The following SGPL1 variants were observed in gnomAD, a reference collection of about 807,000 sequenced individuals.
SGPL1 encodes the protein SP-lyase 1.
In SGPL1, 37 loss-of-function variants were observed where a neutral mutation model predicts 68.9. That is an observed-to-expected ratio of 0.54 (90% confidence interval 0.41 to 0.71). The LOEUF is 0.71. Ranked by LOEUF, SGPL1 falls within the 30% of genes least tolerant of loss-of-function variation. The probability of loss-of-function intolerance (pLI) is 0.00; values close to 1 mark genes in which losing one functional copy is unlikely to be tolerated. For missense variants in SGPL1, 551 were observed against 704.6 expected (o/e 0.78, Z 2.47); for synonymous variants, 236 against 248.5 (o/e 0.95, Z 0.47).
At chr10:70,854,375 A>G (rs1427047117) in intron 4 of SGPL1, among the ~76,000 whole-genome samples, 1 of 152,000 alleles carries the variant, frequency 6.6e-6, no homozygotes, top group Non-Finnish European at 1.5e-5. Flanking sequence ...GGGTTTCACC[A>G]TGTTGGCCAG....
chr10:70,844,749 G>A, intron 3 of SGPL1, 111 bp downstream of exon 3: 1 of 1,084,798 alleles, frequency 9.2e-7, no homozygotes, highest in Non-Finnish European at 1.3e-6. Flanking sequence ...TTGTTTGTTT[G>A]TTTGTTTTTG....
At chr10:70,857,255 G>GA (rs1340712411) in intron 5 of SGPL1, 1 of 223,642 alleles carries the variant, frequency 4.5e-6, no homozygotes, top group Non-Finnish European at 8.9e-6. Flanking sequence ...AGCTATTGCA[G>GA]AAAAAGGCCA....
intron 7 of SGPL1, among the ~76,000 whole-genome samples, chr10:70,867,223 A>G (rs547936726): frequency 2.6e-4 from 40 of 152,270 alleles, no homozygotes; most frequent in African/African-American, 7.9e-4. Flanking sequence ...GGTGGCTATG[A>G]CATGCCTGTG....
intron 12 of SGPL1, among the ~76,000 whole-genome samples, chr10:70,875,051 A>G (rs945158361): frequency 2.0e-4 from 31 of 152,240 alleles, no homozygotes; most frequent in African/African-American, 7.2e-4. Context: ...AGATGGGCAG[A>G]TTACTTTTCC....
At chr10:70,854,670 C>G (rs371572028) in intron 4 of SGPL1, 38 bp from the exon 5 acceptor site, 113 of 1,584,754 alleles carry the variant, frequency 7.1e-5, no homozygotes, top group Admixed American at 2.4e-4. Flanking sequence ...CTACTGTACT[C>G]TTGCATCTGG....
At chr10:70,868,968 C>G (rs1264708538) in intron 8 of SGPL1, among the ~76,000 whole-genome samples, 1 of 152,264 alleles carries the variant, frequency 6.6e-6, no homozygotes, top group East Asian at 1.9e-4. Context: ...TTATTTTTTC[C>G]TAGACTGTCC....
Position 70,879,397 on chromosome 10 carries a change from G to C in SGPL1, c.*2062G>C, listed in dbSNP as rs1478535588. The stretch of plus-strand genomic sequence containing the variant: ...GGCATTTATGTGTGTGTGTGTGTGT[G>C]TGTGTGTTTTTCCTGTTTGCCCAGC... On this transcript the variant is annotated 3_prime_UTR_variant, in exon 15 of 15. Coordinates refer to ENST00000373202, the MANE Select transcript of SGPL1 (RefSeq NM_003901.4). 7 of 153,554 alleles carry C rather than the reference G, an allele frequency of 4.6e-5. No individual in the cohort carries two copies. Among genetic ancestry groups the C allele is most frequent in the African/African-American group, 1.7e-4 (7 of 41,468 alleles). 9.5% of individuals were successfully genotyped at this position (153,554 alleles called of 1,614,324 possible). A position where few individuals can be genotyped will look rare whatever the true frequency, so the allele number is the denominator to read the frequency against.
chr10:70,861,964 C>T (rs866889993), intron 7 of SGPL1, among the ~76,000 whole-genome samples: 2 of 152,234 alleles, frequency 1.3e-5, no homozygotes, highest in African/African-American at 4.8e-5. Flanking sequence ...GCCTCCTTGA[C>T]GAGCGCCACT....
At chr10:70,834,273 C>T (rs1845590441) in intron 2 of SGPL1, among the ~76,000 whole-genome samples, 1 of 152,122 alleles carries the variant, frequency 6.6e-6, no homozygotes, top group South Asian at 2.1e-4. Flanking sequence ...ATGATTCGTT[C>T]CAGGAATCAT....
chr10:70,863,133 T>G (rs547937479), intron 7 of SGPL1, among the ~76,000 whole-genome samples: 66 of 152,084 alleles, frequency 4.3e-4, no homozygotes, highest in African/African-American at 1.6e-3. Flanking sequence ...ACTACAGGCA[T>G]GCACCACCAT....
chr10:70,841,763 A>C (rs753424276), intron 2 of SGPL1, among the ~76,000 whole-genome samples: 6 of 152,180 alleles, frequency 3.9e-5, no homozygotes, highest in Non-Finnish European at 7.3e-5. Context: ...CTAAGCTTTC[A>C]TGTTCCTACT....
chr10:70,879,243 T>C lies in SGPL1; in HGVS notation c.*1908T>C, dbSNP rs549123943. On this transcript the variant is annotated 3_prime_UTR_variant, in exon 15 of 15. Transcript: ENST00000373202. ...TTCTAGTTTCCCCCACTGGGAATGC[T>C]GGCTGGGAGAGCCATGACTACCAGA... 1 of 152,922 alleles carries C rather than the reference T, an allele frequency of 6.5e-6. No individual in the cohort carries two copies. Among genetic ancestry groups the C allele is most frequent in the South Asian group, 2.1e-4 (1 of 4,834 alleles). 9.5% of individuals were successfully genotyped at this position (152,922 alleles called of 1,614,324 possible).
At chr10:70,846,414 CCTT>C (rs1459781870) in intron 3 of SGPL1, among the ~76,000 whole-genome samples, 2 of 151,968 alleles carry the variant, frequency 1.3e-5, no homozygotes, top group African/African-American at 2.4e-5. Context: ...CTCTGCTTAT[CCTT>C]CTATTATAAT....
chr10:70,830,116 TAAAAG>T (rs1845508035), intron 2 of SGPL1, among the ~76,000 whole-genome samples: 1 of 152,182 alleles, frequency 6.6e-6, no homozygotes, highest in Non-Finnish European at 1.5e-5. Flanking sequence ...ATTTTTTTAT[TAAAAG>T]AAAGCCTGTG....
chr10:70,868,286 C>A, intron 7 of SGPL1, 59 bp from the exon 8 acceptor site: 1 of 1,167,508 alleles, frequency 8.6e-7, no homozygotes, highest in Non-Finnish European at 1.2e-6. Context: ...AAGATCAGGG[C>A]ATGAAGAGCC....
chr10:70,863,500 T>G (rs1440101209), intron 7 of SGPL1, among the ~76,000 whole-genome samples: 2 of 152,114 alleles, frequency 1.3e-5, no homozygotes, highest in Non-Finnish European at 2.9e-5. Context: ...TTTATTTATT[T>G]TTTTATGAGC....
rs184260675 is a variant in SGPL1, at chr10:70,871,965, C to T, written c.1038C>T (p.Ser346=). Residue 346 remains serine (S), a synonymous_variant, in exon 11 of 15, where the codon AGC becomes AGT. Coordinates refer to ENST00000373202, the MANE Select transcript of SGPL1 (RefSeq NM_003901.4). ...ATTTCCGGGTGAAAGGTGTAACCAG[C>T]ATTTCAGCTGACACCCATAAGGTGA... ...PFDFRVKGVT[S]ISADTHKYGY... The T allele has an allele frequency of 6.2e-7, 1 of 1,614,068 alleles. No homozygotes were observed. Among genetic ancestry groups the T allele is most frequent in the East Asian group, 2.2e-5 (1 of 44,882 alleles).
At chr10:70,843,323 A>C (rs964805254) in intron 2 of SGPL1, among the ~76,000 whole-genome samples, 1 of 152,128 alleles carries the variant, frequency 6.6e-6, no homozygotes, top group African/African-American at 2.4e-5. Context: ...CTCAGTATAG[A>C]CTTGGAACTA....
intron 11 of SGPL1, among the ~76,000 whole-genome samples, chr10:70,872,823 A>G (rs918088800): frequency 2.6e-5 from 4 of 152,172 alleles, no homozygotes; most frequent in Non-Finnish European, 5.9e-5. Context: ...AGGGGGTCAG[A>G]TGTTCTATAA....
Sources: gnomAD v4.1 joint callset for allele counts (sites outside exome capture counted in the v4.1 genomes callset) on GRCh38, gnomAD v4.1.1 for gene constraint, MANE v1.5 for transcripts, NCBI Gene and HGNC (gene_info 2026-07-23, HGNC 2026-07-21) for gene names.